SVEP1: variants seen among roughly 807,000 people sequenced by gnomAD.
SVEP1 encodes the protein sushi, von Willebrand factor type A, EGF and pentraxin domain-containing protein 1.
In SVEP1, 164 loss-of-function variants were observed where a neutral mutation model predicts 367.3. That is an observed-to-expected ratio of 0.45 (90% CI 0.39 to 0.51). The LOEUF is 0.51. Ranked by LOEUF, SVEP1 falls within the 20% of genes least tolerant of loss-of-function variation. The pLI is 0.00. For synonymous variants in SVEP1, 1,666 were observed against 1,611.6 expected (o/e 1.03, Z -0.81); for missense variants, 4,117 against 4,425.3 (o/e 0.93, Z 1.98).
Position 110,458,981 on chromosome 9 carries a change from G to A in SVEP1, c.3455C>T (p.Ala1152Val). ...ACPFYGTTPF[A>V]GSRSITECSS... ...ACATTCTGTGATGGATCTGGAACCA[G>A]CGAATGGGGTAGTTCCATAAAAGGG... Residue 1152 changes from alanine (A) to valine (V), a missense_variant, in exon 19 of 48, where the codon GCT becomes GTT. Ala to Val is a moderately conservative substitution (Grantham distance 64). This residue lies in a region of SVEP1 where 2,174 missense variants were observed against 2,494.3 expected (regional missense o/e 0.87). Coordinates refer to ENST00000374469, the MANE Select transcript of SVEP1 (RefSeq NM_153366.4). 1 of 1,613,672 alleles carries A rather than the reference G, an allele frequency of 6.2e-7. No individual in the cohort carries two copies. Among genetic ancestry groups the A allele is most frequent in the Non-Finnish European group, 8.5e-7 (1 of 1,179,696 alleles).
chr9:110,566,706 A>T (rs1830498318), intron 1 of SVEP1, among the ~76,000 whole-genome samples: 2 of 152,360 alleles, frequency 1.3e-5, no homozygotes, highest in East Asian at 3.9e-4. Context: ...AGAAGAGCAG[A>T]AAAAGAACTA....
intron 1 of SVEP1, among the ~76,000 whole-genome samples, chr9:110,557,483 G>GCCTCCCTCCCTC (rs938083590): frequency 7.0e-6 from 1 of 142,974 alleles, no homozygotes; most frequent in South Asian, 2.3e-4. Context: ...CTCCCTTCCT[G>GCCTCCCTCCCTC]CCTCCCTCCC....
chr9:110,518,341 G>A (rs72750703), intron 3 of SVEP1, among the ~76,000 whole-genome samples: 24,990 of 151,598 alleles, frequency 0.16, 2,584 homozygotes, highest in Admixed American at 0.26. Flanking sequence ...AGAATCACTT[G>A]AACCTGGGAG....
At chr9:110,450,011 T>G (rs1828667334) in intron 24 of SVEP1, 48 bp downstream of exon 24, 3 of 1,597,082 alleles carry the variant, frequency 1.9e-6, no homozygotes, top group African/African-American at 1.3e-5. Context: ...AATCACTGAA[T>G]AGTTTAAAAA....
At position 110,445,957 on chromosome 9, in the gene SVEP1, A is replaced by G; in HGVS notation, c.4343T>C (p.Leu1448Pro). The stretch of plus-strand genomic sequence containing the variant: ...CCAGAAGGTACAGGTTAGAGCATGG[A>G]GAGATGGGAGCATGCCATCTAGCAT... Reference protein sequence around the residue: ...YVMLDGMLPSLHALTCTFWMK... With the variant: ...YVMLDGMLPSPHALTCTFWMK... Residue 1448 changes from leucine (L) to proline (P), a missense_variant, in exon 26 of 48, where the codon CTC becomes CCC. By Grantham distance (98) the Leu-to-Pro change is moderately conservative. Around this residue, in one of 4 missense-constraint regions of SVEP1, gnomAD observed 2,174 missense variants for 2,494.3 expected, o/e 0.87. Transcript: ENST00000374469. 6.2e-7 allele frequency: 1 copy of G among 1,613,944 alleles called. No individual in the cohort carries two copies. Among genetic ancestry groups the G allele is most frequent in the Non-Finnish European group, 8.5e-7 (1 of 1,179,840 alleles).
At chr9:110,505,069 C>T (rs1308060474) in intron 5 of SVEP1, among the ~76,000 whole-genome samples, 1 of 152,200 alleles carries the variant, frequency 6.6e-6, no homozygotes, top group African/African-American at 2.4e-5. Context: ...CCAGCCTCAA[C>T]ATCACCATCA....
chr9:110,559,571 T>C (rs1025560118), intron 1 of SVEP1, among the ~76,000 whole-genome samples: 2 of 152,028 alleles, frequency 1.3e-5, no homozygotes, highest in African/African-American at 4.8e-5. Flanking sequence ...ATTTCAAAAT[T>C]GCAAAATACA....
intron 1 of SVEP1, among the ~76,000 whole-genome samples, chr9:110,574,978 C>T (rs1450375575): frequency 6.6e-6 from 1 of 152,082 alleles, no homozygotes; most frequent in East Asian, 1.9e-4. Flanking sequence ...ATCTCCTGAC[C>T]TCGTGATCCA....
intron 3 of SVEP1, among the ~76,000 whole-genome samples, chr9:110,514,899 C>G (rs1475192581): frequency 6.6e-6 from 1 of 152,142 alleles, no homozygotes; most frequent in African/African-American, 2.4e-5. Flanking sequence ...GCACTTAGCC[C>G]ATTGTTTCTG....
At chr9:110,476,469 TC>T (rs1286372390) in intron 13 of SVEP1, among the ~76,000 whole-genome samples, 154 bp from the exon 14 acceptor site, 1 of 152,138 alleles carries the variant, frequency 6.6e-6, no homozygotes, top group African/African-American at 2.4e-5. Context: ...CTGACCCTCC[TC>T]CCCTACAGCC....
At chr9:110,513,783 T>C (rs1013028248) in intron 4 of SVEP1, among the ~76,000 whole-genome samples, 165 bp downstream of exon 4, 8 of 152,130 alleles carry the variant, frequency 5.3e-5, no homozygotes, top group Admixed American at 3.9e-4. Flanking sequence ...ATATGTTCCG[T>C]GATAAGAATG....
At chr9:110,465,447 G>A (rs1240577163) in intron 18 of SVEP1, among the ~76,000 whole-genome samples, 8 of 152,140 alleles carry the variant, frequency 5.3e-5, no homozygotes, top group South Asian at 2.1e-4. Flanking sequence ...AACTACTCAC[G>A]AAAACCTTCA....
At chr9:110,522,671 T>C (rs1190447887) in intron 3 of SVEP1, among the ~76,000 whole-genome samples, 2 of 152,166 alleles carry the variant, frequency 1.3e-5, no homozygotes, top group Non-Finnish European at 2.9e-5. Context: ...GGAGGAAAGA[T>C]TCTGAGTGTA....
intron 37 of SVEP1, among the ~76,000 whole-genome samples, chr9:110,410,212 A>AAAAAAGTGTTT (rs1588040262): frequency 6.6e-6 from 1 of 152,224 alleles, no homozygotes; most frequent in East Asian, 1.9e-4. Flanking sequence ...TGTGGGTTTT[A>AAAAAAGTGTTT]AAAAAGTGTT....
intron 10 of SVEP1, among the ~76,000 whole-genome samples, chr9:110,483,308 G>C (rs1438678469): frequency 6.6e-6 from 1 of 152,128 alleles, no homozygotes; most frequent in Non-Finnish European, 1.5e-5. Context: ...TAAGCTTGGA[G>C]ACTAAAGAAA....
chr9:110,547,654 T>C (rs763667427), intron 2 of SVEP1, among the ~76,000 whole-genome samples: 12 of 152,100 alleles, frequency 7.9e-5, no homozygotes, highest in Non-Finnish European at 1.5e-4. Flanking sequence ...GGAAGAGAGA[T>C]AAGTGGAGGA....
intron 20 of SVEP1, among the ~76,000 whole-genome samples, chr9:110,457,673 T>C (rs1828796312): frequency 1.3e-5 from 2 of 152,336 alleles, no homozygotes; most frequent in Admixed American, 1.3e-4. Flanking sequence ...TCAGAATCTC[T>C]GGGAGTGAAG....
chr9:110,424,213 T>G lies in SVEP1; in HGVS notation c.5975+3378A>C, dbSNP rs186810125. Among the ~76,000 whole-genome samples, 8 of 152,368 alleles carry G rather than the reference T, an allele frequency of 5.3e-5. No individual in the cohort carries two copies. In the East Asian group the frequency reaches 1.5e-3, roughly 29 times the overall value. ...CATGCAAGAATATTTACTTCAGCAC[T>G]TGTATTCAAACGAAGTAAATAAATT... On this transcript the variant is annotated intron_variant, in intron 36 of 47. Coordinates refer to ENST00000374469, the MANE Select transcript of SVEP1 (RefSeq NM_153366.4).
At chr9:110,527,719 G>T (rs1829957440) in intron 3 of SVEP1, among the ~76,000 whole-genome samples, 1 of 151,794 alleles carries the variant, frequency 6.6e-6, no homozygotes, top group African/African-American at 2.4e-5. Flanking sequence ...CTTTAGGGGT[G>T]CAAGTGGTTT....
Sources: gnomAD v4.1 joint callset for allele counts (sites outside exome capture counted in the v4.1 genomes callset) on GRCh38, gnomAD v4.1.1 for gene constraint, gnomAD v4.1.1 regional missense constraint, MANE v1.5 for transcripts, NCBI Gene and HGNC (gene_info 2026-07-23, HGNC 2026-07-21) for gene names.